BMERB1: variants seen among roughly 807,000 people sequenced by gnomAD.
The protein encoded by BMERB1 is bMERB domain containing 1.
In BMERB1, 12 loss-of-function variants were observed where a neutral mutation model predicts 23.6. That is an observed-to-expected ratio of 0.51 (90% CI 0.33 to 0.82). The LOEUF (loss-of-function observed/expected upper bound fraction) is 0.82. Among genes scored for constraint, BMERB1 ranks in the 40% least tolerant of loss-of-function variants. The pLI is 0.03. For synonymous variants in BMERB1, 122 were observed against 96.6 expected (o/e 1.26, Z -1.54); for missense variants, 247 against 255.4 (o/e 0.97, Z 0.22).
intron 3 of BMERB1, among the ~76,000 whole-genome samples, chr16:15,574,841 G>T (rs1157503582): frequency 6.6e-6 from 1 of 152,186 alleles, no homozygotes; most frequent in Non-Finnish European, 1.5e-5. Context: ...ACCCTGGGAG[G>T]CCGAAGTGGG....
At chr16:15,574,818 G>A (rs2030816058) in intron 3 of BMERB1, among the ~76,000 whole-genome samples, 4 of 152,072 alleles carry the variant, frequency 2.6e-5, no homozygotes, top group Admixed American at 1.3e-4. Context: ...TGGCTCACGC[G>A]TATAATCCCA....
chr16:15,454,573 A>C (rs943597450), intron 1 of BMERB1, among the ~76,000 whole-genome samples: 1 of 152,116 alleles, frequency 6.6e-6, no homozygotes, highest in Non-Finnish European at 1.5e-5. Context: ...CGGGTGGATC[A>C]CTTGAGGTCA....
At chr16:15,526,819 G>T (rs763587745) in intron 2 of BMERB1, among the ~76,000 whole-genome samples, 13 of 150,664 alleles carry the variant, frequency 8.6e-5, no homozygotes, top group Non-Finnish European at 7.4e-5. Flanking sequence ...ACACGGGGCC[G>T]TCTAAAAGTC....
intron 1 of BMERB1, among the ~76,000 whole-genome samples, chr16:15,458,550 A>T (rs573210683): frequency 6.6e-6 from 1 of 151,814 alleles, no homozygotes; most frequent in East Asian, 2.0e-4. Context: ...CCCCATCTCT[A>T]TAAACAATAT....
At chr16:15,548,477 T>C (rs1307510172) in intron 2 of BMERB1, among the ~76,000 whole-genome samples, 1 of 152,190 alleles carries the variant, frequency 6.6e-6, no homozygotes, top group East Asian at 1.9e-4. Context: ...TTTTTAGGAA[T>C]CTGGAGAACC....
chr16:15,450,421 A>G (rs576953312), intron 1 of BMERB1, among the ~76,000 whole-genome samples: 2 of 152,280 alleles, frequency 1.3e-5, no homozygotes, highest in African/African-American at 4.8e-5. Flanking sequence ...CTGAAGGCTC[A>G]TGGATCCCTA....
chr16:15,529,183 C>T (rs2051943048), intron 2 of BMERB1, among the ~76,000 whole-genome samples: 1 of 152,184 alleles, frequency 6.6e-6, no homozygotes, highest in East Asian at 1.9e-4. Context: ...CACCACCACG[C>T]CCGGCTAACT....
chr16:15,487,609 A>T (rs1351502579), intron 1 of BMERB1, among the ~76,000 whole-genome samples: 1 of 152,230 alleles, frequency 6.6e-6, no homozygotes, highest in Admixed American at 6.5e-5. Context: ...GTTATTAAGA[A>T]AGTAAAGAAA....
At chr16:15,439,193 G>T (rs993230363) in intron 1 of BMERB1, among the ~76,000 whole-genome samples, 1 of 152,132 alleles carries the variant, frequency 6.6e-6, no homozygotes, top group Non-Finnish European at 1.5e-5. Flanking sequence ...AAGAAGGAAC[G>T]TTTTGAAGTT....
At chr16:15,574,881 C>G (rs543222828) in intron 3 of BMERB1, among the ~76,000 whole-genome samples, 1 of 152,222 alleles carries the variant, frequency 6.6e-6, no homozygotes, top group South Asian at 2.1e-4. Flanking sequence ...AGTTGGAGAC[C>G]AGCCTGGCCA....
Position 15,499,417 on chromosome 16 carries a change from CA to C in BMERB1, c.107-15877del, listed in dbSNP as rs964451309. The stretch of plus-strand genomic sequence containing the variant: ...CATCTAAAAAAATAAAAATAAAAAA[CA>C]AAAAAAAAAAGTCAACGGCATCAAA... On this transcript the variant is annotated intron_variant, in intron 1 of 5. Coordinates refer to ENST00000300006, the MANE Select transcript of BMERB1 (RefSeq NM_033201.3). Among the ~76,000 whole-genome samples the C allele has an allele frequency of 2.4e-3, 351 of 145,496 alleles. 1 individual carries two copies. Among genetic ancestry groups the C allele is most frequent in the African/African-American group, 7.7e-3 (307 of 39,762 alleles).
chr16:15,469,589 C>G (rs2051212196), intron 1 of BMERB1, among the ~76,000 whole-genome samples: 2 of 152,086 alleles, frequency 1.3e-5, no homozygotes, highest in South Asian at 4.1e-4. Flanking sequence ...TAACTGATAT[C>G]TTTACTATGT....
At chr16:15,460,683 T>C (rs1021117234) in intron 1 of BMERB1, among the ~76,000 whole-genome samples, 4 of 152,198 alleles carry the variant, frequency 2.6e-5, no homozygotes, top group African/African-American at 9.6e-5. Flanking sequence ...TCCACACATA[T>C]TGGCTGAACG....
intron 2 of BMERB1, among the ~76,000 whole-genome samples, chr16:15,520,651 CT>C (rs995315262): frequency 5.3e-5 from 8 of 151,520 alleles, no homozygotes; most frequent in Non-Finnish European, 8.8e-5. Flanking sequence ...GCCTGGCTAA[CT>C]TTTTTTTGTA....
At chr16:15,538,413 G>C (rs1020879027) in intron 2 of BMERB1, among the ~76,000 whole-genome samples, 8 of 151,962 alleles carry the variant, frequency 5.3e-5, no homozygotes, top group African/African-American at 1.9e-4. Context: ...AGATGTGCCA[G>C]TGCACTCCAG....
chr16:15,484,667 G>A (rs2051352778), intron 1 of BMERB1, among the ~76,000 whole-genome samples: 1 of 152,138 alleles, frequency 6.6e-6, no homozygotes, highest in South Asian at 2.1e-4. Flanking sequence ...CTCCCAAAGT[G>A]CTGAGATTAC....
At chr16:15,494,237 A>G (rs926601209) in intron 1 of BMERB1, among the ~76,000 whole-genome samples, 11 of 152,142 alleles carry the variant, frequency 7.2e-5, no homozygotes, top group South Asian at 2.1e-4. Context: ...AGGTTTATCA[A>G]TTTCCACAAT....
chr16:15,466,787 C>G (rs932615842), intron 1 of BMERB1, among the ~76,000 whole-genome samples: 1 of 152,024 alleles, frequency 6.6e-6, no homozygotes, highest in African/African-American at 2.4e-5. Context: ...GTGTGACTAT[C>G]AACAAAGTCA....
chr16:15,434,636 T>G lies in BMERB1; in HGVS notation c.-18T>G. 1.2e-6 allele frequency: 2 copies of G among 1,607,264 alleles called. No individual in the cohort carries two copies. The highest frequency in any genetic ancestry group is 4.5e-5 in the East Asian group (2 of 44,840). ...TGGAGTAAAGGGAGACCCGTCGACC[T>G]GGCCACGGGGATCAGCGATGGAATT... On this transcript the variant is annotated 5_prime_UTR_variant, in exon 1 of 6. Coordinates refer to ENST00000300006, the MANE Select transcript of BMERB1 (RefSeq NM_033201.3).
Sources: gnomAD v4.1 joint callset for allele counts (sites outside exome capture counted in the v4.1 genomes callset) on GRCh38, gnomAD v4.1.1 for gene constraint, MANE v1.5 for transcripts, NCBI Gene and HGNC (gene_info 2026-07-23, HGNC 2026-07-21) for gene names.